Variants in ANKS1B observed in about 807,000 individuals in gnomAD.
ANKS1B encodes the protein ankyrin repeat and sterile alpha motif domain-containing protein 1B.
A neutral mutation model predicts 148.3 loss-of-function variants in ANKS1B; 36 were observed. That is an observed-to-expected ratio of 0.24 (90% CI 0.19 to 0.32). The LOEUF (loss-of-function observed/expected upper bound fraction) is 0.32. Ranked by LOEUF, ANKS1B falls within the 10% of genes least tolerant of loss-of-function variation. The probability of loss-of-function intolerance (pLI) is 1.00; values close to 1 mark genes in which losing one functional copy is unlikely to be tolerated. For synonymous variants in ANKS1B, 542 were observed against 560.8 expected, an observed-to-expected ratio of 0.97 and a Z score of 0.47; for missense variants, 1,157 against 1,542.6, an observed-to-expected ratio of 0.75 and a Z score of 4.19.
chr12:99,427,902 C>A (rs527249331), intron 11 of ANKS1B, among the ~76,000 whole-genome samples: 1 of 152,236 alleles, frequency 6.6e-6, no homozygotes, highest in African/African-American at 2.4e-5. Flanking sequence ...GGTGCAAGAA[C>A]AAGTCTCCTT....
intron 15 of ANKS1B, among the ~76,000 whole-genome samples, chr12:99,145,346 G>A (rs531691486): frequency 2.0e-5 from 3 of 152,222 alleles, no homozygotes; most frequent in Admixed American, 2.0e-4. Context: ...TTGTAGAACT[G>A]TAAGTAATCC....
At chr12:99,831,971 C>A (rs1036383803) in intron 1 of ANKS1B, among the ~76,000 whole-genome samples, 1 of 152,256 alleles carries the variant, frequency 6.6e-6, no homozygotes, top group Non-Finnish European at 1.5e-5. Flanking sequence ...ATATAATTAA[C>A]CTCACTGTGG....
chr12:99,955,492 C>CAAAAAAAAAAA (rs61654867), intron 1 of ANKS1B, among the ~76,000 whole-genome samples: 3 of 38,064 alleles, frequency 7.9e-5, no homozygotes, highest in African/African-American at 2.8e-4. Context: ...AACTCCGTCT[C>CAAAAAAAAAAA]AAAAAAAAAA....
intron 17 of ANKS1B, among the ~76,000 whole-genome samples, chr12:98,936,639 A>C (rs950920799): frequency 6.6e-6 from 1 of 152,138 alleles, no homozygotes; most frequent in Non-Finnish European, 1.5e-5. Flanking sequence ...AAAAAAGAAC[A>C]ATTAATTCTT....
At chr12:99,800,378 G>A (rs1296794959) in intron 4 of ANKS1B, among the ~76,000 whole-genome samples, 1 of 139,648 alleles carries the variant, frequency 7.2e-6, no homozygotes. Context: ...ATAAATTTCT[G>A]TTGCTTAAGC....
At chr12:99,057,494 T>G (rs1294102372) in intron 16 of ANKS1B, among the ~76,000 whole-genome samples, 1 of 152,216 alleles carries the variant, frequency 6.6e-6, no homozygotes, top group Non-Finnish European at 1.5e-5. Context: ...GTTTTAGAAA[T>G]GGTTTGCATC....
At chr12:98,821,947 T>C (rs1282232820) in intron 19 of ANKS1B, among the ~76,000 whole-genome samples, 1 of 147,598 alleles carries the variant, frequency 6.8e-6, no homozygotes, top group Non-Finnish European at 1.5e-5. Context: ...CTTGGAAAGA[T>C]AGGTTCTCTT....
intron 1 of ANKS1B, among the ~76,000 whole-genome samples, chr12:99,910,383 A>G (rs1327143226): frequency 6.8e-6 from 1 of 146,432 alleles, no homozygotes; most frequent in Non-Finnish European, 1.5e-5. Flanking sequence ...AAAAAGAGGA[A>G]TAAAGTACAG....
chr12:99,395,565 A>T (rs1385629697), intron 12 of ANKS1B, among the ~76,000 whole-genome samples: 1 of 152,142 alleles, frequency 6.6e-6, no homozygotes, highest in Non-Finnish European at 1.5e-5. Flanking sequence ...TTTGCTATGA[A>T]ACTATTTCTC....
At position 99,694,045 on chromosome 12, in the gene ANKS1B, C is replaced by T. The variant is rs577041617; in HGVS notation, c.1129-38835G>A. On this transcript the variant is annotated intron_variant, in intron 8 of 26. Coordinates refer to ENST00000683438, the MANE Select transcript of ANKS1B (RefSeq NM_001352186.2). ...CTGCCCACCTCAGCCTCCCAAAGTG[C>T]TGGGATTACAGGCGTGAGCCACCAT... Among the ~76,000 whole-genome samples the T allele has an allele frequency of 3.4e-4, 51 of 150,678 alleles. 1 individual carries two copies. The highest frequency in any genetic ancestry group is 1.2e-3 in the African/African-American group (50 of 41,170).
At chr12:99,270,228 T>A (rs1230628921) in intron 12 of ANKS1B, among the ~76,000 whole-genome samples, 1 of 152,144 alleles carries the variant, frequency 6.6e-6, no homozygotes, top group Non-Finnish European at 1.5e-5. Context: ...GGATTTTATC[T>A]CCTTTTCTAA....
At chr12:99,411,788 CTCTTACT>C (rs2094716821) in intron 11 of ANKS1B, among the ~76,000 whole-genome samples, 1 of 152,208 alleles carries the variant, frequency 6.6e-6, no homozygotes, top group Admixed American at 6.5e-5. Context: ...ACATCACACT[CTCTTACT>C]TACTGTATGG....
At chr12:99,680,872 A>T (rs545064538) in intron 8 of ANKS1B, among the ~76,000 whole-genome samples, 17 of 152,206 alleles carry the variant, frequency 1.1e-4, no homozygotes, top group Admixed American at 9.8e-4. Context: ...CGTCACTGCC[A>T]GCTTTTCCCC....
At chr12:99,666,597 T>C (rs1299273578) in intron 8 of ANKS1B, among the ~76,000 whole-genome samples, 1 of 152,078 alleles carries the variant, frequency 6.6e-6, no homozygotes, top group Non-Finnish European at 1.5e-5. Flanking sequence ...AATATTTTTA[T>C]AGTCTTCAGT....
At chr12:99,352,120 T>A (rs1363359140) in intron 12 of ANKS1B, 1 of 151,948 alleles carries the variant, frequency 6.6e-6, no homozygotes, top group East Asian at 1.9e-4. Flanking sequence ...AAGTACAATT[T>A]CTTCTTGCCC....
intron 22 of ANKS1B, among the ~76,000 whole-genome samples, chr12:98,795,405 G>A (rs1474573034): frequency 2.6e-5 from 4 of 152,182 alleles, no homozygotes; most frequent in Admixed American, 1.3e-4. Flanking sequence ...TGTGGATGTC[G>A]AGGATGAGAA....
At chr12:98,777,918 T>C (rs2098696009) in intron 24 of ANKS1B, among the ~76,000 whole-genome samples, 1 of 152,200 alleles carries the variant, frequency 6.6e-6, no homozygotes, top group Admixed American at 6.5e-5. Flanking sequence ...AATGAATTAG[T>C]TTGCACTTCA....
chr12:99,817,813 G>A (rs7303964), intron 2 of ANKS1B, among the ~76,000 whole-genome samples: 4,289 of 151,810 alleles, frequency 0.028, 90 homozygotes, highest in Non-Finnish European at 0.045. Flanking sequence ...GTCTTCTTTC[G>A]AGAAATGTCT....
At chr12:99,326,809 A>G (rs1240397163) in intron 12 of ANKS1B, among the ~76,000 whole-genome samples, 5 of 151,306 alleles carry the variant, frequency 3.3e-5, no homozygotes, top group African/African-American at 1.2e-4. Context: ...AAAATAGTTG[A>G]TATGCAGTAA....
Sources: allele counts gnomAD v4.1 joint callset (sites outside exome capture counted in the v4.1 genomes callset), GRCh38; gene constraint gnomAD v4.1.1; transcripts MANE v1.5; gene names NCBI Gene and HGNC (gene_info 2026-07-23, HGNC 2026-07-21).